Variants in PLXDC2 observed in about 807,000 individuals in gnomAD.
PLXDC2 encodes plexin domain containing 2, also known as plexin domain-containing protein 2.
A neutral mutation model predicts 68.9 loss-of-function variants in PLXDC2; 40 were observed. The observed-to-expected ratio is 0.58, with a 90% CI of 0.45 to 0.76. The LOEUF (loss-of-function observed/expected upper bound fraction) is 0.76. PLXDC2 is among the 30% of genes least tolerant of loss of function. The probability of loss-of-function intolerance (pLI) is 0.00; values close to 1 mark genes in which losing one functional copy is unlikely to be tolerated. For missense variants in PLXDC2, 644 were observed against 661.9 expected, an observed-to-expected ratio of 0.97 and a Z score of 0.30; for synonymous variants, 243 against 234.2, an observed-to-expected ratio of 1.04 and a Z score of -0.34.
chr10:20,128,849 G>A (rs1380412290), intron 4 of PLXDC2, among the ~76,000 whole-genome samples: 1 of 152,030 alleles, frequency 6.6e-6, no homozygotes, highest in Admixed American at 6.6e-5. Flanking sequence ...ATTCCATTTT[G>A]TACCTATACC....
At chr10:20,185,180 A>G (rs898283095) in intron 9 of PLXDC2, among the ~76,000 whole-genome samples, 1 of 151,120 alleles carries the variant, frequency 6.6e-6, no homozygotes, top group African/African-American at 2.4e-5. Context: ...AAAAAAAAAA[A>G]AAAAAAACTA....
chr10:20,012,371 G>T (rs151335371), intron 2 of PLXDC2, among the ~76,000 whole-genome samples: 1 of 126,916 alleles, frequency 7.9e-6, no homozygotes, highest in South Asian at 2.6e-4. Flanking sequence ...AGGCTGGAGT[G>T]CAGTGGCGCG....
chr10:19,948,578 G>C (rs1362837980), intron 1 of PLXDC2, among the ~76,000 whole-genome samples: 1 of 151,796 alleles, frequency 6.6e-6, no homozygotes. Context: ...CTATGTCTGG[G>C]ATCAGAAAAA....
At chr10:20,272,944 C>T (rs1351275458) in intron 13 of PLXDC2, among the ~76,000 whole-genome samples, 1 of 152,220 alleles carries the variant, frequency 6.6e-6, no homozygotes, top group Non-Finnish European at 1.5e-5. Context: ...AACTCAGCTA[C>T]ATGCATTCAT....
At chr10:20,237,578 G>A (rs1198998541) in intron 12 of PLXDC2, among the ~76,000 whole-genome samples, 3 of 152,082 alleles carry the variant, frequency 2.0e-5, no homozygotes, top group Non-Finnish European at 2.9e-5. Context: ...TTTTTCATTT[G>A]ATTTTCTTTT....
intron 4 of PLXDC2, among the ~76,000 whole-genome samples, chr10:20,091,324 T>G (rs11011793): frequency 0.035 from 5,351 of 152,290 alleles, 322 homozygotes; most frequent in African/African-American, 0.12. Context: ...TGCTTGACTC[T>G]TCTTCTCCCT....
intron 1 of PLXDC2, among the ~76,000 whole-genome samples, chr10:19,837,403 AGAGAGAGTGTGTGTGT>A (rs781662826): frequency 1.3e-3 from 79 of 60,644 alleles, no homozygotes; most frequent in East Asian, 3.6e-3. Flanking sequence ...AGAGAGAGAG[AGAGAGAGTGTGTGTGT>A]GTGTGTGTGT....
intron 4 of PLXDC2, among the ~76,000 whole-genome samples, chr10:20,080,009 C>T (rs972082467): frequency 1.1e-4 from 17 of 152,102 alleles, no homozygotes; most frequent in Non-Finnish European, 2.5e-4. Flanking sequence ...ACACATATGA[C>T]AGTGAAAGGA....
chr10:19,927,056 G>C (rs1160725441), intron 1 of PLXDC2, among the ~76,000 whole-genome samples: 1 of 152,062 alleles, frequency 6.6e-6, no homozygotes, highest in Non-Finnish European at 1.5e-5. Flanking sequence ...ATTTACTATG[G>C]TGTCGTTGTT....
At chr10:20,260,081 A>T (rs551477596) in intron 13 of PLXDC2, among the ~76,000 whole-genome samples, 71 of 152,302 alleles carry the variant, frequency 4.7e-4, no homozygotes, top group African/African-American at 1.7e-3. Context: ...AATTGTATAT[A>T]TTTAAGGTAT....
At chr10:20,082,767 C>T (rs757288245) in intron 4 of PLXDC2, among the ~76,000 whole-genome samples, 2 of 152,080 alleles carry the variant, frequency 1.3e-5, no homozygotes, top group Non-Finnish European at 2.9e-5. Context: ...AGACTGAAAA[C>T]CACCTAACGC....
chr10:20,002,078 C>A, intron 2 of PLXDC2, 92 bp downstream of exon 2: 2 of 1,272,956 alleles, frequency 1.6e-6, no homozygotes, highest in Non-Finnish European at 2.2e-6. Context: ...GTCTCTTCAT[C>A]TCAATCTAGA....
chr10:20,264,366 G>T (rs1418809803), intron 13 of PLXDC2, among the ~76,000 whole-genome samples: 2 of 152,014 alleles, frequency 1.3e-5, no homozygotes, highest in Admixed American at 6.6e-5. Flanking sequence ...TCAGGCACTG[G>T]GCTTAATGCC....
intron 6 of PLXDC2, among the ~76,000 whole-genome samples, chr10:20,149,332 G>A (rs1238075424): frequency 6.8e-6 from 1 of 146,006 alleles, no homozygotes; most frequent in Non-Finnish European, 1.5e-5. Flanking sequence ...TCTGCCTTCT[G>A]GGTACAAGCG....
intron 13 of PLXDC2, among the ~76,000 whole-genome samples, chr10:20,248,508 A>G (rs959548734): frequency 2.6e-5 from 4 of 152,316 alleles, no homozygotes; most frequent in African/African-American, 9.6e-5. Context: ...ATGTAAGTGA[A>G]GCAGATTCAT....
intron 3 of PLXDC2, among the ~76,000 whole-genome samples, chr10:20,061,381 A>G (rs943432078): frequency 5.9e-5 from 9 of 152,116 alleles, no homozygotes; most frequent in Non-Finnish European, 1.2e-4. Context: ...CTCTTGCTTT[A>G]TGATTAAATG....
chr10:19,874,709 C>A (rs907226976), intron 1 of PLXDC2, among the ~76,000 whole-genome samples: 2 of 152,098 alleles, frequency 1.3e-5, no homozygotes, highest in African/African-American at 4.8e-5. Context: ...AAAGAAATAA[C>A]ATTTGAATTG....
chr10:20,184,357 A>G (rs956377974), intron 9 of PLXDC2, among the ~76,000 whole-genome samples: 3 of 148,150 alleles, frequency 2.0e-5, no homozygotes, highest in African/African-American at 4.9e-5. Context: ...ATATATAAAA[A>G]TTATATGTAA....
chr10:20,075,721 G>A (rs532146230), intron 4 of PLXDC2, among the ~76,000 whole-genome samples: 181 of 152,212 alleles, frequency 1.2e-3, no homozygotes, highest in Non-Finnish European at 1.7e-3. Context: ...GAATGAAGGA[G>A]AACAATTAGA....
Sources: allele counts gnomAD v4.1 joint callset (sites outside exome capture counted in the v4.1 genomes callset), GRCh38; gene constraint gnomAD v4.1.1; transcripts MANE v1.5; gene names NCBI Gene and HGNC (gene_info 2026-07-23, HGNC 2026-07-21).